The following FZD6 variants were observed in gnomAD, a reference collection of about 807,000 sequenced individuals.
The protein encoded by FZD6 is frizzled class receptor 6.
A neutral mutation model predicts 61.4 loss-of-function variants in FZD6; 49 were observed. The ratio of observed to expected loss-of-function variants is 0.80; its 90% confidence interval spans 0.63 to 1.01. The LOEUF (loss-of-function observed/expected upper bound fraction) is 1.01. Ranked by LOEUF, FZD6 falls within the 50% of genes least tolerant of loss-of-function variation. The pLI is 0.00. For missense variants in FZD6, 724 were observed against 848.2 expected, an observed-to-expected ratio of 0.85 and a Z score of 1.82; for synonymous variants, 265 against 292.2, an observed-to-expected ratio of 0.91 and a Z score of 0.95.
chr8:103,325,426 G>A lies in FZD6; in HGVS notation c.1320G>A (p.Val440=). 6.2e-7 allele frequency: 1 copy of A among 1,613,660 alleles called. No individual in the cohort carries two copies. Among genetic ancestry groups the A allele is most frequent in the Non-Finnish European group, 8.5e-7 (1 of 1,179,604 alleles). The stretch of plus-strand genomic sequence containing the variant: ...TCGGATGTTACGTCTATGAGCAAGT[G>A]AACAGGATTACCTGGGAGATAACTT... ...TLLGCYVYEQ[V]NRITWEITWV... The change falls in exon 4 of 7, where the codon GTG becomes GTA. Residue 440 remains valine, a synonymous_variant. Coordinates refer to ENST00000358755, the MANE Select transcript of FZD6 (RefSeq NM_003506.4).
intron 5 of FZD6, among the ~76,000 whole-genome samples, 194 bp from the exon 6 acceptor site, chr8:103,329,461 G>A (rs908579585): frequency 5.9e-5 from 9 of 151,892 alleles, no homozygotes; most frequent in African/African-American, 2.2e-4. Flanking sequence ...AACTTAGAGT[G>A]TATACACAAA....
intron 2 of FZD6, among the ~76,000 whole-genome samples, chr8:103,314,477 G>A (rs538327130): frequency 3.5e-4 from 53 of 152,176 alleles, no homozygotes; most frequent in Middle Eastern, 6.9e-3. Context: ...TCCCCTTCAC[G>A]ATGGAGGAAA....
intron 2 of FZD6, among the ~76,000 whole-genome samples, chr8:103,300,606 T>G (rs1814136408): frequency 6.6e-6 from 1 of 152,248 alleles, no homozygotes; most frequent in Non-Finnish European, 1.5e-5. Flanking sequence ...ATGCGAATTC[T>G]GAATATTTTT....
At chr8:103,319,408 T>A (rs1814719336) in intron 3 of FZD6, among the ~76,000 whole-genome samples, 1 of 152,198 alleles carries the variant, frequency 6.6e-6, no homozygotes, top group Non-Finnish European at 1.5e-5. Flanking sequence ...ATTTTTATGC[T>A]GAAAGCAGTG....
In FZD6 at chr8:103,311,608, A is replaced by C. The variant is rs1005574728; in HGVS notation, c.178-6982A>C. Among the ~76,000 whole-genome samples, 22 of 151,112 alleles carry C rather than the reference A, an allele frequency of 1.5e-4. 1 individual carries two copies. The highest frequency in any genetic ancestry group is 3.2e-4 in the Non-Finnish European group (22 of 67,832). ...GGCCTGAGGCTCACTTGAGCCCAGGAATTGGAGGCTGCAGTGAACTATGAT... is the reference window on the plus strand; with the variant it reads ...GGCCTGAGGCTCACTTGAGCCCAGGCATTGGAGGCTGCAGTGAACTATGAT... On this transcript the variant is annotated intron_variant, in intron 2 of 6. Transcript: ENST00000358755.
Position 103,332,122 on chromosome 8 carries a change from A to G in FZD6, c.*613A>G, listed in dbSNP as rs1815157602. 6.5e-6 allele frequency: 1 copy of G among 152,708 alleles called. No individual in the cohort carries two copies. The highest frequency in any genetic ancestry group is 2.1e-4 in the South Asian group (1 of 4,862). The allele number at this position is 152,708 out of a possible 1,614,324, so 9.5% of individuals were successfully genotyped here. A position where few individuals can be genotyped will look rare whatever the true frequency, so the allele number is the denominator to read the frequency against. On this transcript the variant is annotated 3_prime_UTR_variant, in exon 7 of 7. Coordinates refer to ENST00000358755, the MANE Select transcript of FZD6 (RefSeq NM_003506.4). The stretch of plus-strand genomic sequence containing the variant: ...AAAACCCACTTATTGATACCTTACC[A>G]TCTAAAATGTGTGATTTTTATAGTC...
intron 4 of FZD6, 129 bp downstream of exon 4, chr8:103,325,627 T>TC (rs1814931454): frequency 2.6e-6 from 2 of 765,522 alleles, no homozygotes; most frequent in Admixed American, 1.9e-5. Flanking sequence ...GGTAAGGATT[T>TC]CCTATACATC....
chr8:103,323,341 G>GATTT (rs10653301), intron 3 of FZD6, among the ~76,000 whole-genome samples: 21 of 151,680 alleles, frequency 1.4e-4, no homozygotes, highest in South Asian at 4.2e-4. Flanking sequence ...AAAGCTGGTA[G>GATTT]TTTTTTTTGT....
In FZD6 at chr8:103,300,265, T is replaced by G. The variant is rs779056600; in HGVS notation, c.158T>G (p.Ile53Ser). The G allele has an allele frequency of 5.6e-6, 9 of 1,611,062 alleles. No individual in the cohort carries two copies. The East Asian group carries it at 2.0e-4, about 36-fold the overall frequency. The change falls in exon 2 of 7, where the codon ATT becomes AGT. Residue 53 changes from isoleucine to serine, a missense_variant. Transcript: ENST00000358755. ...PNLMGHYDQS[I>S]AAVEMEHFLP... ...CTGATGGGTCATTATGACCAGAGTA[T>G]TGCCGCGGTGGAAATGGAGGTGAGT...
intron 4 of FZD6, among the ~76,000 whole-genome samples, chr8:103,326,686 C>A (rs1385012108): frequency 7.7e-5 from 10 of 129,728 alleles, no homozygotes; most frequent in Non-Finnish European, 1.3e-4. Context: ...TTTAAAGATT[C>A]TGCGTGACAA....
rs780313256 is a variant in FZD6 at position 103,325,042 on chromosome 8, A to T, written c.936A>T (p.Gly312=). The change falls in exon 4 of 7, where the codon GGA becomes GGT. Residue 312 remains glycine, a synonymous_variant. Coordinates refer to ENST00000358755, the MANE Select transcript of FZD6 (RefSeq NM_003506.4). ...CCATTACTTGGTTCTTAGCTGCAGG[A>T]AGAAAATGGAGTTGTGAAGCCATCG... ...ILTITWFLAA[G]RKWSCEAIEQ... 8 of 1,614,160 alleles carry T rather than the reference A, an allele frequency of 5.0e-6. No homozygotes were observed. The highest frequency in any genetic ancestry group is 6.8e-6 in the Non-Finnish European group (8 of 1,180,006).
At chr8:103,306,969 A>G (rs536563639) in intron 2 of FZD6, among the ~76,000 whole-genome samples, 1 of 152,246 alleles carries the variant, frequency 6.6e-6, no homozygotes, top group Non-Finnish European at 1.5e-5. Flanking sequence ...AGAAAGCACA[A>G]ATCCTGAGCT....
At chr8:103,312,157 T>C (rs1205250845) in intron 2 of FZD6, among the ~76,000 whole-genome samples, 1 of 152,212 alleles carries the variant, frequency 6.6e-6, no homozygotes, top group Non-Finnish European at 1.5e-5. Context: ...CCAGTACTAA[T>C]AGTAACTGCT....
intron 2 of FZD6, among the ~76,000 whole-genome samples, chr8:103,317,729 G>C (rs752942645): frequency 5.3e-5 from 8 of 151,882 alleles, no homozygotes; most frequent in Non-Finnish European, 1.0e-4. Flanking sequence ...GGGAGGCTGA[G>C]GCAGGAGAAT....
intron 2 of FZD6, among the ~76,000 whole-genome samples, chr8:103,314,415 C>T (rs565390171): frequency 6.6e-6 from 1 of 152,262 alleles, no homozygotes; most frequent in Admixed American, 6.5e-5. Flanking sequence ...CGCAGCTCCC[C>T]TTCTCCTACC....
At chr8:103,304,973 G>A (rs1814290231) in intron 2 of FZD6, among the ~76,000 whole-genome samples, 1 of 152,188 alleles carries the variant, frequency 6.6e-6, no homozygotes, top group Non-Finnish European at 1.5e-5. Flanking sequence ...ATGTGAACCT[G>A]AAATCATTTG....
At position 103,318,731 on chromosome 8, in the gene FZD6, A is replaced by C; in HGVS notation, c.319A>C (p.Lys107Gln). Residue 107 changes from lysine to glutamine, a missense_variant, in exon 3 of 7, where the codon AAA becomes CAA. Physicochemically the swap from Lys to Gln is moderately conservative, Grantham distance 53 (BLOSUM62 1). Transcript: ENST00000358755. ...KLCEKVYSDC[K>Q]KLIDTFGIRW... Reference sequence around the variant, plus strand: ...TTGTGAGAAAGTATATTCTGATTGCAAAAAATTAATTGACACTTTTGGGAT... The same window carrying C: ...TTGTGAGAAAGTATATTCTGATTGCCAAAAATTAATTGACACTTTTGGGAT... 4.3e-6 allele frequency: 7 copies of C among 1,611,156 alleles called. No individual in the cohort carries two copies. The highest frequency in any genetic ancestry group is 5.9e-6 in the Non-Finnish European group (7 of 1,177,350).
rs1199595135 is a variant in FZD6, at chr8:103,314,171, T to C, written c.178-4419T>C. Among the ~76,000 whole-genome samples, 3 of 152,216 alleles carry C rather than the reference T, an allele frequency of 2.0e-5. No individual in the cohort carries two copies. The East Asian group carries it at 5.8e-4, about 29-fold the overall frequency. On this transcript the variant is annotated intron_variant, in intron 2 of 6. Transcript: ENST00000358755. ...TGTTTTCCATGTAAGAAAATTGTTT[T>C]TGTATAGCAAAAGTACATGTATTGC...
In FZD6 at chr8:103,331,334, T is replaced by G; in HGVS notation, c.1953-7T>G. On this transcript the variant is annotated splice_region_variant and splice_polypyrimidine_tract_variant and intron_variant, in intron 6 of 6. Transcript: ENST00000358755. ...GTGTGTGTGTCAACTTTTTTTCTTT[T>G]ATCTAGGATTAGTCCAAAGAGTGAT... 1 of 1,606,428 alleles carries G rather than the reference T, an allele frequency of 6.2e-7. No homozygotes were observed. The highest frequency in any genetic ancestry group is 2.2e-5 in the East Asian group (1 of 44,844).
Sources: allele counts gnomAD v4.1 joint callset (sites outside exome capture counted in the v4.1 genomes callset), GRCh38; gene constraint gnomAD v4.1.1; transcripts MANE v1.5; gene names NCBI Gene and HGNC (gene_info 2026-07-23, HGNC 2026-07-21).